Variants in RNF38 observed in about 807,000 individuals in gnomAD.
RNF38 encodes ring finger protein 38.
A neutral mutation model predicts 67.2 loss-of-function variants in RNF38; 15 were observed. The observed-to-expected ratio is 0.22, with a 90% CI of 0.15 to 0.34. The LOEUF is 0.34. RNF38 is among the 10% of genes least tolerant of loss of function. The pLI is 1.00. For synonymous variants in RNF38, 220 were observed against 218.8 expected, an observed-to-expected ratio of 1.01 and a Z score of -0.05; for missense variants, 524 against 639.9, an observed-to-expected ratio of 0.82 and a Z score of 1.95.
intron 4 of RNF38, among the ~76,000 whole-genome samples, chr9:36,369,061 A>G (rs1409236991): frequency 6.6e-6 from 1 of 152,176 alleles, no homozygotes; most frequent in African/African-American, 2.4e-5. Context: ...TTGGAGGCCT[A>G]TGAAAACCTA....
At chr9:36,351,502 G>A (rs910528879) in intron 8 of RNF38, among the ~76,000 whole-genome samples, 1 of 152,160 alleles carries the variant, frequency 6.6e-6, no homozygotes, top group African/African-American at 2.4e-5. Context: ...ATTGCAGCAA[G>A]CACTTAAGTA....
At chr9:36,364,109 C>T (rs1057113585) in intron 4 of RNF38, among the ~76,000 whole-genome samples, 2 of 150,312 alleles carry the variant, frequency 1.3e-5, no homozygotes, top group Non-Finnish European at 3.0e-5. Flanking sequence ...GGATTACAGG[C>T]ATGAGCCACC....
chr9:36,419,753 C>T (rs1838570859), intron 2 of RNF38, among the ~76,000 whole-genome samples: 1 of 152,134 alleles, frequency 6.6e-6, no homozygotes. Flanking sequence ...AAGGTGGGGG[C>T]AGAGGTCGCA....
intron 1 of RNF38, among the ~76,000 whole-genome samples, chr9:36,429,996 T>G (rs1838890575): frequency 6.6e-6 from 1 of 152,272 alleles, no homozygotes; most frequent in Middle Eastern, 3.4e-3. Context: ...TGGTTATTAA[T>G]TTTATAAATT....
intron 2 of RNF38, among the ~76,000 whole-genome samples, chr9:36,407,287 C>G (rs566531576): frequency 6.6e-6 from 1 of 152,186 alleles, no homozygotes; most frequent in South Asian, 2.1e-4. Context: ...TATATAGCCA[C>G]TTATCCAGCT....
Position 36,427,631 on chromosome 9 carries a change from G to T in RNF38, n.242-2948C>A, listed in dbSNP as rs139749699. ...GCAGGCCCTCGCCATAATGAATCTGGGTTCCTTGATCTTGAATTTCCCAGC... is the reference window on the plus strand; with the variant it reads ...GCAGGCCCTCGCCATAATGAATCTGTGTTCCTTGATCTTGAATTTCCCAGC... On this transcript the variant is annotated intron_variant and non_coding_transcript_variant, in intron 1 of 3. Coordinates refer to the RNF38 transcript ENST00000488058. Among the ~76,000 whole-genome samples, 660 of 151,830 alleles carry T rather than the reference G, an allele frequency of 4.3e-3. 6 individuals are homozygous for T. Among genetic ancestry groups the T allele is most frequent in the African/African-American group, 0.015 (618 of 41,380 alleles).
At chr9:36,400,357 G>T, upstream of RNF38, 1 of 1,213,156 alleles carries the variant, frequency 8.2e-7, no homozygotes. Context: ...GGGAGCGAGA[G>T]AGCGAGGCCA....
chr9:36,370,703 C>T (rs898375173), intron 3 of RNF38, among the ~76,000 whole-genome samples: 3 of 152,004 alleles, frequency 2.0e-5, no homozygotes, highest in Admixed American at 6.6e-5. Flanking sequence ...CCCAGGAGTT[C>T]GAGACCAGAC....
chr9:36,463,545 T>C (rs1426230894), intron 1 of RNF38, among the ~76,000 whole-genome samples: 3 of 152,144 alleles, frequency 2.0e-5, no homozygotes, highest in African/African-American at 7.2e-5. Context: ...ATTTTCAATA[T>C]GAACTGTTTA....
intron 2 of RNF38, among the ~76,000 whole-genome samples, chr9:36,422,032 G>C (rs900603453): frequency 6.6e-6 from 1 of 152,070 alleles, no homozygotes; most frequent in Admixed American, 6.6e-5. Flanking sequence ...AGGAGTTCGA[G>C]ACTAGCCTGG....
At chr9:36,356,205 T>G (rs891945248) in intron 6 of RNF38, 98 bp downstream of exon 6, 2 of 1,196,834 alleles carry the variant, frequency 1.7e-6, no homozygotes, top group Admixed American at 2.2e-5. Context: ...CGTCTGGTTC[T>G]TAAATCCACT....
At chr9:36,380,887 T>G (rs556721388) in intron 2 of RNF38, among the ~76,000 whole-genome samples, 1 of 152,270 alleles carries the variant, frequency 6.6e-6, no homozygotes, top group South Asian at 2.1e-4. Flanking sequence ...AAGACCAAAT[T>G]TGTATTTTTG....
chr9:36,350,142 T>C (rs1833589932), intron 9 of RNF38, among the ~76,000 whole-genome samples: 1 of 152,210 alleles, frequency 6.6e-6, no homozygotes, highest in Non-Finnish European at 1.5e-5. Flanking sequence ...TTAAAGAGGC[T>C]ATCCTTCCCC....
intron 2 of RNF38, among the ~76,000 whole-genome samples, chr9:36,387,709 T>C (rs1836751945): frequency 6.6e-6 from 1 of 152,244 alleles, no homozygotes; most frequent in Non-Finnish European, 1.5e-5. Context: ...ATTTTAAATA[T>C]GGGTTTTTAT....
At chr9:36,396,728 AT>A (rs929391548) in intron 1 of RNF38, among the ~76,000 whole-genome samples, 1 of 152,098 alleles carries the variant, frequency 6.6e-6, no homozygotes, top group African/African-American at 2.4e-5. Flanking sequence ...AACCAAAAAA[AT>A]CTAATTGAAT....
intron 1 of RNF38, among the ~76,000 whole-genome samples, chr9:36,475,118 C>A (rs938166708): frequency 7.2e-6 from 1 of 139,494 alleles, no homozygotes; most frequent in Non-Finnish European, 1.5e-5. Flanking sequence ...TTCACTCCAG[C>A]CTGGGCAATA....
intron 5 of RNF38, among the ~76,000 whole-genome samples, chr9:36,356,751 G>C (rs1389545614): frequency 6.7e-6 from 1 of 148,870 alleles, no homozygotes; most frequent in South Asian, 2.2e-4. Context: ...CGGGTGTGGG[G>C]GGGGCGGGGG....
intron 1 of RNF38, among the ~76,000 whole-genome samples, chr9:36,392,234 G>C (rs1158441585): frequency 6.6e-6 from 1 of 152,166 alleles, no homozygotes; most frequent in African/African-American, 2.4e-5. Flanking sequence ...ACTGGTAAGA[G>C]TAAAAATACT....
At chr9:36,384,887 G>A (rs762024625) in intron 2 of RNF38, among the ~76,000 whole-genome samples, 2 of 152,194 alleles carry the variant, frequency 1.3e-5, no homozygotes, top group Admixed American at 6.5e-5. Context: ...AACTGCTAAC[G>A]AATATACAGT....
Sources: gnomAD v4.1 joint callset for allele counts (sites outside exome capture counted in the v4.1 genomes callset) on GRCh38, gnomAD v4.1.1 for gene constraint, MANE v1.5 for transcripts, NCBI Gene and HGNC (gene_info 2026-07-23, HGNC 2026-07-21) for gene names.